The following GFM1 variants were observed in gnomAD, a reference collection of about 807,000 sequenced individuals.
The protein encoded by GFM1 is G elongation factor mitochondrial 1, also known as elongation factor G, mitochondrial.
GFM1 carries 62 observed loss-of-function variants against 96.2 expected under a neutral mutation model. That is an observed-to-expected ratio of 0.64 (90% CI 0.53 to 0.80). The LOEUF (loss-of-function observed/expected upper bound fraction) is 0.80, where lower values mean the gene tolerates loss of function less well. Ranked by LOEUF, GFM1 falls within the 30% of genes least tolerant of loss-of-function variation. The pLI is 0.00. For synonymous variants in GFM1, 282 were observed against 312.9 expected (o/e 0.90, Z 1.04); for missense variants, 852 against 916.6 (o/e 0.93, Z 0.91).
At chr3:158,679,727 A>G (rs1450631926) in intron 13 of GFM1, among the ~76,000 whole-genome samples, 3 of 152,014 alleles carry the variant, frequency 2.0e-5, no homozygotes, top group Non-Finnish European at 4.4e-5. Context: ...TCCTCTGTTG[A>G]TAGTGTCCAG....
At chr3:158,650,001 A>G (rs919097259) in intron 5 of GFM1, 18 of 1,535,638 alleles carry the variant, frequency 1.2e-5, no homozygotes, top group Admixed American at 7.8e-5. Flanking sequence ...TCGTTTCTCC[A>G]CAGGCACTTC....
intron 4 of GFM1, among the ~76,000 whole-genome samples, chr3:158,648,806 A>C (rs1264957103): frequency 6.6e-6 from 1 of 152,052 alleles, no homozygotes; most frequent in Non-Finnish European, 1.5e-5. Context: ...TCTGATGGTA[A>C]AACAGTTATT....
At chr3:158,667,427 A>G (rs777125497) in intron 13 of GFM1, among the ~76,000 whole-genome samples, 8 of 152,244 alleles carry the variant, frequency 5.3e-5, no homozygotes, top group Non-Finnish European at 1.0e-4. Flanking sequence ...TTTATGGGAT[A>G]AGCTATAGCA....
At chr3:158,679,565 TA>T (rs1725192113) in intron 13 of GFM1, among the ~76,000 whole-genome samples, 1 of 152,260 alleles carries the variant, frequency 6.6e-6, no homozygotes, top group South Asian at 2.1e-4. Flanking sequence ...ATAAAGCAAC[TA>T]AAGGATGAAA....
intron 1 of GFM1, 101 bp from the exon 2 acceptor site, chr3:158,645,528 T>A: frequency 1.0e-6 from 1 of 994,256 alleles, no homozygotes; most frequent in Non-Finnish European, 1.6e-6. Flanking sequence ...TCATATCCAG[T>A]GAGATTTCTT....
chr3:158,661,154 G>A (rs1723169452), intron 10 of GFM1, among the ~76,000 whole-genome samples, 179 bp downstream of exon 10: 1 of 152,200 alleles, frequency 6.6e-6, no homozygotes, highest in Non-Finnish European at 1.5e-5. Flanking sequence ...AATTAGACAA[G>A]TGCTCTGTAA....
Position 158,691,145 on chromosome 3 carries a change from C to T in GFM1, c.2077C>T (p.Leu693=). ...CTACTATGTTTGTTTTCAGGTCCCT[C>T]TAAATGATATGTTTGGTTATTCCAC... ...DYFTLYADVP[L]NDMFGYSTEL... The change falls in exon 17 of 18, where the codon CTA becomes TTA. Residue 693 remains leucine, a synonymous_variant. Transcript: ENST00000486715. 6.2e-7 allele frequency: 1 copy of T among 1,609,770 alleles called. No individual in the cohort carries two copies. The highest frequency in any genetic ancestry group is 8.5e-7 in the Non-Finnish European group (1 of 1,176,148).
intron 5 of GFM1, chr3:158,650,274 T>C (rs1305938572): frequency 1.8e-6 from 1 of 567,622 alleles, no homozygotes; most frequent in Non-Finnish European, 3.2e-6. Flanking sequence ...CCTACTTTAT[T>C]CACTGCTATG....
At position 158,646,312 on chromosome 3, in the gene GFM1, T is replaced by G. The variant is rs373371132; in HGVS notation, c.367+15T>G. ...AGATACTCCTGGTGAGTTGGATTCTTGGTTTTATTGCAGCTTCTTTGGCAA... is the reference window on the plus strand; with the variant it reads ...AGATACTCCTGGTGAGTTGGATTCTGGGTTTTATTGCAGCTTCTTTGGCAA... On this transcript the variant is annotated intron_variant, in intron 3 of 17. Transcript: ENST00000486715. The G allele has an allele frequency of 6.2e-7, 1 of 1,613,738 alleles. No homozygotes were observed. Among genetic ancestry groups the G allele is most frequent in the African/African-American group, 1.3e-5 (1 of 74,932 alleles).
rs796893083 is a variant in GFM1 at position 158,695,389 on chromosome 3, C to CA, written c.*3932dup. ...TAGGCAACAGAGTGAGACTCTGTCT[C>CA]AAAAAAAAAAGAAAAAAAAGAAAAG... On this transcript the variant is annotated 3_prime_UTR_variant, in exon 18 of 18. Transcript: ENST00000486715. 34 of 132,404 alleles carry CA rather than the reference C, an allele frequency of 2.6e-4. No individual in the cohort carries two copies. The highest frequency in any genetic ancestry group is 4.8e-4 in the South Asian group (2 of 4,140). 8.2% of individuals were successfully genotyped at this position (132,404 alleles called of 1,614,324 possible).
rs777558130 is a variant in GFM1, at chr3:158,644,696, T to G, written c.62T>G (p.Leu21Arg). The G allele has an allele frequency of 1.9e-6, 3 of 1,578,670 alleles. No homozygotes were observed. The highest frequency in any genetic ancestry group is 1.7e-6 in the Non-Finnish European group (2 of 1,163,046). The change falls in exon 1 of 18, where the codon CTA (leucine) becomes CGA (arginine). Residue 21 changes from leucine to arginine, a missense_variant. Leu to Arg is a moderately radical substitution (Grantham distance 102, BLOSUM62 -2). Transcript: ENST00000486715. ...GGGCGCGGAAGGGCCCCCGCCTCCC[T>G]AGGCTGGCAGAGGAAGCAGGTACCG... ...ALGRGRAPAS[L>R]GWQRKQVNWK...
At position 158,646,235 on chromosome 3, in the gene GFM1, T is replaced by C; in HGVS notation, c.305T>C (p.Ile102Thr). The change falls in exon 3 of 18, where the codon ATT becomes ACT. Residue 102 changes from isoleucine to threonine, a missense_variant. Ile to Thr is a moderately conservative substitution (Grantham distance 89). Coordinates refer to ENST00000486715, the MANE Select transcript of GFM1 (RefSeq NM_024996.7). ...MELERQRGIT[I>T]QSAATYTMWK... ...CTAGAGAGACAAAGAGGAATCACTA[T>C]TCAGTCAGCAGCCACTTACACCATG... The C allele has an allele frequency of 6.2e-7, 1 of 1,613,896 alleles. No homozygotes were observed. Among genetic ancestry groups the C allele is most frequent in the Non-Finnish European group, 8.5e-7 (1 of 1,179,730 alleles).
intron 13 of GFM1, 162 bp downstream of exon 13, chr3:158,666,548 T>C (rs1372274087): frequency 8.2e-7 from 1 of 1,220,472 alleles, no homozygotes; most frequent in Non-Finnish European, 1.2e-6. Flanking sequence ...TTATATAAAG[T>C]GACACTTTGG....
chr3:158,644,778 A>G (rs1721611611), intron 1 of GFM1, 63 bp downstream of exon 1: 1 of 1,395,746 alleles, frequency 7.2e-7, no homozygotes. Flanking sequence ...CCTTCTGGGC[A>G]ATGGAAGGCC....
intron 13 of GFM1, among the ~76,000 whole-genome samples, chr3:158,675,994 C>G (rs1333081598): frequency 6.6e-6 from 1 of 152,096 alleles, no homozygotes; most frequent in East Asian, 1.9e-4. Flanking sequence ...TTTAGCTAAC[C>G]AGGTGCAGTG....
chr3:158,652,292 C>T (rs751966573), intron 6 of GFM1, 46 bp downstream of exon 6: 17 of 1,575,528 alleles, frequency 1.1e-5, no homozygotes, highest in Non-Finnish European at 1.3e-5. Flanking sequence ...AAAAAGAAGT[C>T]GTTTGTTTTT....
At chr3:158,686,306 A>G (rs1189766872) in intron 15 of GFM1, among the ~76,000 whole-genome samples, 1 of 148,070 alleles carries the variant, frequency 6.8e-6, no homozygotes, top group African/African-American at 2.4e-5. Flanking sequence ...ATATAAATAT[A>G]TAATATGTAT....
In GFM1 at chr3:158,695,305, C is replaced by T. The variant is rs759638305; in HGVS notation, c.*3838C>T. ...AGGAGGGTCGCTTGAACCCGGAAGG[C>T]GGAGGCTATAGTGAGCTGAGATGGC... On this transcript the variant is annotated 3_prime_UTR_variant, in exon 18 of 18. Transcript: ENST00000486715. 3.9e-5 allele frequency: 6 copies of T among 151,954 alleles called. No individual in the cohort carries two copies. The highest frequency in any genetic ancestry group is 1.3e-4 in the Admixed American group (2 of 15,246). 9.4% of individuals were successfully genotyped at this position (151,954 alleles called of 1,614,324 possible).
At chr3:158,645,405 T>C (rs1025406510) in intron 1 of GFM1, among the ~76,000 whole-genome samples, 3 of 152,236 alleles carry the variant, frequency 2.0e-5, no homozygotes, top group Non-Finnish European at 4.4e-5. Flanking sequence ...ATTTAACTTA[T>C]TCATTAATTA....
Sources: gnomAD v4.1 joint callset for allele counts (sites outside exome capture counted in the v4.1 genomes callset) on GRCh38, gnomAD v4.1.1 for gene constraint, MANE v1.5 for transcripts, NCBI Gene and HGNC (gene_info 2026-07-23, HGNC 2026-07-21) for gene names.